Variants in TBC1D8 observed in about 807,000 individuals in gnomAD.
TBC1D8 encodes TBC1 domain family member 8, also known as BUB2-like protein 1.
TBC1D8 carries 65 observed loss-of-function variants against 118.8 expected under a neutral mutation model. That is an observed-to-expected ratio of 0.55 (90% CI 0.45 to 0.67). TBC1D8 has a LOEUF of 0.67. Among genes scored for constraint, TBC1D8 ranks in the 30% least tolerant of loss-of-function variants. The probability of loss-of-function intolerance (pLI) is 0.00; values close to 1 mark genes in which losing one functional copy is unlikely to be tolerated. For missense variants in TBC1D8, 1,376 were observed against 1,471.2 expected (o/e 0.94, Z 1.06); for synonymous variants, 566 against 595.8 (o/e 0.95, Z 0.73).
At chr2:101,019,098 C>G in intron 17 of TBC1D8, 1 of 1,575,536 alleles carries the variant, frequency 6.3e-7, no homozygotes. Context: ...GCTTCCTGAG[C>G]TGCAGCAGAT....
At chr2:101,012,091 C>T (rs2105361352) in intron 17 of TBC1D8, among the ~76,000 whole-genome samples, 1 of 152,316 alleles carries the variant, frequency 6.6e-6, no homozygotes, top group South Asian at 2.1e-4. Flanking sequence ...ATAAAACTGT[C>T]AGAACCCTCA....
At chr2:101,037,475 C>T in intron 8 of TBC1D8, 57 bp downstream of exon 8, 1 of 1,575,012 alleles carries the variant, frequency 6.3e-7, no homozygotes, top group Non-Finnish European at 8.6e-7. Flanking sequence ...GCTGGGCAAC[C>T]CCCCCAAGCC....
At chr2:101,075,343 A>G (rs1187779037) in intron 2 of TBC1D8, among the ~76,000 whole-genome samples, 1 of 148,724 alleles carries the variant, frequency 6.7e-6, no homozygotes, top group Non-Finnish European at 1.5e-5. Context: ...GTGAGCCAAG[A>G]TTGCGCCACT....
rs149452065 is a variant in TBC1D8, at chr2:101,091,928, G to T, written c.128-1564C>A. 2.7e-3 allele frequency among the ~76,000 whole-genome samples: 413 copies of T among 152,276 alleles called. 1 individual carries two copies. Among genetic ancestry groups the T allele is most frequent in the Middle Eastern group, 6.8e-3 (2 of 294 alleles). On this transcript the variant is annotated intron_variant, in intron 1 of 19. Coordinates refer to ENST00000409318, the MANE Select transcript of TBC1D8 (RefSeq NM_001330348.2). ...GTAAAGAAAAACTGAATCACTGGGG[G>T]CAAGTTACTTACATAACACCCCGTC...
chr2:101,052,389 C>G (rs1469327454), intron 4 of TBC1D8, among the ~76,000 whole-genome samples: 1 of 152,130 alleles, frequency 6.6e-6, no homozygotes, highest in Non-Finnish European at 1.5e-5. Flanking sequence ...GTCTAAACAT[C>G]TGGCGGCTTG....
At chr2:101,125,406 CACAG>C (rs1352298977) in intron 1 of TBC1D8, among the ~76,000 whole-genome samples, 2 of 152,210 alleles carry the variant, frequency 1.3e-5, no homozygotes, top group Non-Finnish European at 2.9e-5. Flanking sequence ...AAATTATACA[CACAG>C]ACATTCACTC....
chr2:101,103,743 A>G (rs1445527261), intron 1 of TBC1D8, among the ~76,000 whole-genome samples: 1 of 152,180 alleles, frequency 6.6e-6, no homozygotes, highest in East Asian at 1.9e-4. Flanking sequence ...CCCACAGTTA[A>G]CATCATACTT....
chr2:101,115,318 G>A (rs912492802), intron 1 of TBC1D8, among the ~76,000 whole-genome samples: 1 of 152,198 alleles, frequency 6.6e-6, no homozygotes, highest in Non-Finnish European at 1.5e-5. Flanking sequence ...ATAAGATGGA[G>A]TGGAGGAGAC....
chr2:101,022,183 A>G (rs1680069351), intron 16 of TBC1D8, 98 bp downstream of exon 16: 23 of 1,559,308 alleles, frequency 1.5e-5, no homozygotes, highest in Non-Finnish European at 1.8e-5. Flanking sequence ...CAAAAGTGTT[A>G]CACCATGTGC....
intron 1 of TBC1D8, among the ~76,000 whole-genome samples, chr2:101,115,858 C>A (rs1434797980): frequency 6.6e-6 from 1 of 152,118 alleles, no homozygotes; most frequent in Non-Finnish European, 1.5e-5. Flanking sequence ...ACCAGGGCCC[C>A]AGACATCCCA....
chr2:101,066,991 A>C lies in TBC1D8; in HGVS notation c.284-7452T>G, dbSNP rs1683053466. 2.0e-5 allele frequency among the ~76,000 whole-genome samples: 3 copies of C among 150,268 alleles called. No homozygotes were observed. In the South Asian group the frequency reaches 6.3e-4, roughly 31 times the overall value. On this transcript the variant is annotated intron_variant, in intron 2 of 19. Coordinates refer to ENST00000409318, the MANE Select transcript of TBC1D8 (RefSeq NM_001330348.2). ...AAAATCAAAGTTATACTGACACTATACTGTAGTCTATTAAGTGTGCGATTG... is the reference window on the plus strand; with the variant it reads ...AAAATCAAAGTTATACTGACACTATCCTGTAGTCTATTAAGTGTGCGATTG...
At chr2:101,117,085 G>T (rs766694998) in intron 1 of TBC1D8, among the ~76,000 whole-genome samples, 1 of 152,162 alleles carries the variant, frequency 6.6e-6, no homozygotes, top group Non-Finnish European at 1.5e-5. Flanking sequence ...CTGAGGCAGG[G>T]ATTGAGCCAT....
intron 17 of TBC1D8, among the ~76,000 whole-genome samples, chr2:101,017,488 T>C (rs76287561): frequency 0.023 from 3,435 of 152,308 alleles, 128 homozygotes; most frequent in African/African-American, 0.079. Flanking sequence ...ATGGCTAAGA[T>C]AGGAATTTTT....
intron 17 of TBC1D8, among the ~76,000 whole-genome samples, chr2:101,020,589 G>A (rs11680887): frequency 0.18 from 28,092 of 152,124 alleles, 2,806 homozygotes; most frequent in Middle Eastern, 0.32. Flanking sequence ...GAGGGACTGC[G>A]TGGCCAGCAC....
At chr2:101,146,751 G>C (rs889753831) in intron 1 of TBC1D8, among the ~76,000 whole-genome samples, 3 of 152,030 alleles carry the variant, frequency 2.0e-5, no homozygotes, top group African/African-American at 7.2e-5. Context: ...CATTCTCATA[G>C]CTATTCTGTA....
chr2:101,022,280 C>T lies in TBC1D8; in HGVS notation c.2761+1G>A. ...CACTGCGAAATCCCACAGAGGCATACCGAGGCAGCTCACAAACGCTTTGAA... is the reference window on the plus strand; with the variant it reads ...CACTGCGAAATCCCACAGAGGCATATCGAGGCAGCTCACAAACGCTTTGAA... On this transcript the variant is annotated splice_donor_variant, in intron 16 of 19. Transcript: ENST00000409318. LOFTEE classifies it high-confidence loss of function. 6.2e-7 allele frequency: 1 copy of T among 1,613,530 alleles called. No individual in the cohort carries two copies. Among genetic ancestry groups the T allele is most frequent in the Non-Finnish European group, 8.5e-7 (1 of 1,179,710 alleles).
intron 2 of TBC1D8, among the ~76,000 whole-genome samples, chr2:101,071,366 C>CAAACAAATAAAT (rs138340171): frequency 1.3e-5 from 2 of 151,044 alleles, no homozygotes; most frequent in East Asian, 2.0e-4. Flanking sequence ...AACAAACAAA[C>CAAACAAATAAAT]AAATAAATAA....
chr2:101,009,197 T>C (rs1259353635), intron 19 of TBC1D8, among the ~76,000 whole-genome samples: 2 of 151,944 alleles, frequency 1.3e-5, no homozygotes, highest in Non-Finnish European at 2.9e-5. Flanking sequence ...ATTGAGACCA[T>C]CCTGGCTAAC....
chr2:101,028,038 T>C lies in TBC1D8; in HGVS notation c.2451+10A>G, dbSNP rs755338151. On this transcript the variant is annotated intron_variant, in intron 14 of 19. Transcript: ENST00000409318. ...ACCGTGATCACCGGGGTGAGGCGTC[T>C]GCTACCCACCACGTTCTGCTTTGTG... 1.2e-6 allele frequency: 2 copies of C among 1,613,764 alleles called. No homozygotes were observed. The highest frequency in any genetic ancestry group is 1.1e-5 in the South Asian group (1 of 91,074).
Sources: allele counts gnomAD v4.1 joint callset (sites outside exome capture counted in the v4.1 genomes callset), GRCh38; gene constraint gnomAD v4.1.1; transcripts MANE v1.5; gene names NCBI Gene and HGNC (gene_info 2026-07-23, HGNC 2026-07-21).